Variants in FBXO36 observed in about 807,000 individuals in gnomAD.
FBXO36 encodes the protein F-box protein 36, also known as F-box only protein 36.
Under a neutral mutation model 17.0 loss-of-function variants are expected in FBXO36, and 18 were observed. The observed-to-expected ratio is 1.06, with a 90% CI of 0.73 to 1.57. The LOEUF (loss-of-function observed/expected upper bound fraction) is 1.57, where lower values mean the gene tolerates loss of function less well. FBXO36 is among the 40% of genes most tolerant of loss of function. FBXO36 has a pLI of 0.00. For synonymous variants in FBXO36, 83 were observed against 85.3 expected (o/e 0.97, Z 0.15); for missense variants, 229 against 221.9 (o/e 1.03, Z -0.20).
At chr2:229,977,815 C>G (rs534659678) in intron 2 of FBXO36, among the ~76,000 whole-genome samples, 12 of 152,158 alleles carry the variant, frequency 7.9e-5, no homozygotes, top group Non-Finnish European at 1.5e-4. Context: ...AAATGTGACC[C>G]AGACCTATAG....
chr2:229,978,605 A>G (rs936634823), intron 2 of FBXO36, among the ~76,000 whole-genome samples: 65 of 152,114 alleles, frequency 4.3e-4, no homozygotes, highest in Middle Eastern at 6.8e-3. Context: ...AATAATAATA[A>G]TAATAGTAAT....
chr2:229,952,066 T>G lies in FBXO36; in HGVS notation c.97-24175T>G, dbSNP rs74444141. ...TGTTTTTTTCTCCCTAACAGAACAT[T>G]TCATAAGTTATTTTAATTACTGTAT... On this transcript the variant is annotated intron_variant, in intron 1 of 3. Coordinates refer to ENST00000283946, the MANE Select transcript of FBXO36 (RefSeq NM_174899.5). 6.0e-3 allele frequency among the ~76,000 whole-genome samples: 915 copies of G among 152,330 alleles called. 6 individuals carry two copies. The highest frequency in any genetic ancestry group is 0.021 in the African/African-American group (860 of 41,580).
Position 230,003,135 on chromosome 2 carries a change from A to G in FBXO36, c.378+6212A>G, listed in dbSNP as rs2077368978. 1.3e-5 allele frequency among the ~76,000 whole-genome samples: 2 copies of G among 150,128 alleles called. 1 individual carries two copies. Among genetic ancestry groups the G allele is most frequent in the South Asian group, 4.2e-4 (2 of 4,760 alleles). ...TGAGGCAAGAGAATCGCTTGAACCC[A>G]GGAGGCGGAGATTGCAGTGACCCAA... On this transcript the variant is annotated intron_variant, in intron 3 of 3. Transcript: ENST00000283946.
intron 2 of FBXO36, among the ~76,000 whole-genome samples, chr2:229,989,808 C>T (rs541143598): frequency 2.9e-4 from 42 of 142,384 alleles, no homozygotes; most frequent in Non-Finnish European, 4.7e-4. Flanking sequence ...CTTCTGACCT[C>T]GTGATCCACC....
rs558271468 is a variant in FBXO36 at position 229,984,899 on chromosome 2, A to T, written c.205+8550A>T. Among the ~76,000 whole-genome samples, 10 of 152,274 alleles carry T rather than the reference A, an allele frequency of 6.6e-5. No homozygotes were observed. In the East Asian group the frequency reaches 1.9e-3, roughly 29 times the overall value. On this transcript the variant is annotated intron_variant, in intron 2 of 3. Coordinates refer to ENST00000283946, the MANE Select transcript of FBXO36 (RefSeq NM_174899.5). ...TACATGCTGGGACATCTATATCTGC[A>T]CACTTACATGAGAATGTCAGTAATA...
chr2:229,965,772 CATT>C (rs1358401442), intron 1 of FBXO36, among the ~76,000 whole-genome samples: 1 of 152,114 alleles, frequency 6.6e-6, no homozygotes, highest in Non-Finnish European at 1.5e-5. Flanking sequence ...TCCACTCTAT[CATT>C]GTTGGACATT....
intron 1 of FBXO36, among the ~76,000 whole-genome samples, chr2:229,969,521 T>A (rs951197926): frequency 1.3e-5 from 2 of 152,096 alleles, no homozygotes; most frequent in Admixed American, 6.6e-5. Context: ...ACCCTGTCTC[T>A]ACTAAAAATA....
At chr2:229,997,673 T>C (rs1384856363) in intron 3 of FBXO36, among the ~76,000 whole-genome samples, 4 of 152,188 alleles carry the variant, frequency 2.6e-5, no homozygotes, top group Non-Finnish European at 5.9e-5. Context: ...CTGCATTTCC[T>C]GTCTCCCAAT....
intron 1 of FBXO36, among the ~76,000 whole-genome samples, chr2:229,933,277 A>G (rs1461577748): frequency 6.6e-6 from 1 of 151,806 alleles, no homozygotes; most frequent in Non-Finnish European, 1.5e-5. Context: ...AATTCTAGCT[A>G]CTCGGGAGAC....
chr2:229,939,870 TCGGGAGTTTGAGACCAGC>T (rs1396622956), intron 1 of FBXO36, among the ~76,000 whole-genome samples: 1 of 152,020 alleles, frequency 6.6e-6, no homozygotes, highest in Non-Finnish European at 1.5e-5. Context: ...TCACCCGAGG[TCGGGAGTTTGAGACCAGC>T]CTGATCAACA....
chr2:229,996,620 G>GT (rs2077328799), intron 2 of FBXO36, 131 bp from the exon 3 acceptor site: 3 of 990,518 alleles, frequency 3.0e-6, no homozygotes, highest in Non-Finnish European at 4.4e-6. Flanking sequence ...CTCGGTGAAA[G>GT]TAGGAATGAC....
chr2:230,006,661 G>A (rs1219083841), intron 3 of FBXO36, among the ~76,000 whole-genome samples: 1 of 152,170 alleles, frequency 6.6e-6, no homozygotes, highest in African/African-American at 2.4e-5. Context: ...GGAAGAATAT[G>A]GCTGGGAATG....
chr2:229,978,116 C>A (rs1199845462), intron 2 of FBXO36, among the ~76,000 whole-genome samples: 1 of 149,840 alleles, frequency 6.7e-6, no homozygotes, highest in Non-Finnish European at 1.5e-5. Context: ...AAACAAAAAC[C>A]AAAAAAAAAA....
At chr2:229,925,771 C>T (rs2076908999) in intron 1 of FBXO36, among the ~76,000 whole-genome samples, 1 of 152,102 alleles carries the variant, frequency 6.6e-6, no homozygotes, top group East Asian at 1.9e-4. Context: ...TATACATAAA[C>T]ATTTTCTTTG....
At chr2:229,946,014 C>T (rs1221580114) in intron 1 of FBXO36, among the ~76,000 whole-genome samples, 5 of 148,018 alleles carry the variant, frequency 3.4e-5, no homozygotes, top group African/African-American at 5.0e-5. Flanking sequence ...GAGAGCGAAA[C>T]TCCATCTAAA....
intron 2 of FBXO36, among the ~76,000 whole-genome samples, chr2:229,980,866 G>T (rs1392131187): frequency 6.6e-6 from 1 of 152,078 alleles, no homozygotes; most frequent in Admixed American, 6.6e-5. Flanking sequence ...GTGGTTTCCC[G>T]CCAGCAGCAG....
intron 1 of FBXO36, among the ~76,000 whole-genome samples, chr2:229,966,223 GTTGT>G (rs1218808633): frequency 2.0e-5 from 3 of 152,122 alleles, no homozygotes; most frequent in South Asian, 2.1e-4. Context: ...TGTTAATGGG[GTTGT>G]TTGTTTTTTT....
chr2:229,989,623 G>T (rs1021771744), intron 2 of FBXO36, among the ~76,000 whole-genome samples: 3 of 151,004 alleles, frequency 2.0e-5, no homozygotes, highest in African/African-American at 7.3e-5. Context: ...GTGCAGTGGT[G>T]TGATCTCAGC....
At chr2:229,959,311 G>T (rs945147063) in intron 1 of FBXO36, among the ~76,000 whole-genome samples, 3 of 152,130 alleles carry the variant, frequency 2.0e-5, no homozygotes, top group African/African-American at 4.8e-5. Flanking sequence ...GAGCCACTGA[G>T]CATGGCCTCC....
Sources: allele counts gnomAD v4.1 joint callset (sites outside exome capture counted in the v4.1 genomes callset), GRCh38; gene constraint gnomAD v4.1.1; transcripts MANE v1.5; gene names NCBI Gene and HGNC (gene_info 2026-07-23, HGNC 2026-07-21).